Variants in CNTNAP2 observed in about 807,000 individuals in gnomAD.
CNTNAP2 encodes contactin-associated protein-like 2.
In CNTNAP2, 98 loss-of-function variants were observed where a neutral mutation model predicts 155.2. The ratio of observed to expected loss-of-function variants is 0.63; its 90% CI spans 0.54 to 0.75. CNTNAP2 has a LOEUF of 0.75. Among genes scored for constraint, CNTNAP2 ranks in the 30% least tolerant of loss-of-function variants. The pLI is 0.00. For missense variants in CNTNAP2, 1,727 were observed against 1,688.1 expected, an observed-to-expected ratio of 1.02 and a Z score of -0.40; for synonymous variants, 651 against 631.2, an observed-to-expected ratio of 1.03 and a Z score of -0.47.
intron 21 of CNTNAP2, among the ~76,000 whole-genome samples, chr7:148,364,808 C>T (rs529143477): frequency 1.8e-4 from 27 of 152,182 alleles, no homozygotes; most frequent in Admixed American, 3.9e-4. Context: ...ATTGGCAACC[C>T]GCTCGGGTCC....
intron 14 of CNTNAP2, among the ~76,000 whole-genome samples, chr7:147,954,859 C>T (rs2246970): frequency 2.0e-5 from 3 of 152,020 alleles, no homozygotes; most frequent in Admixed American, 1.3e-4. Context: ...TAAAAGTGTA[C>T]AATAGTATAA....
chr7:147,915,770 GA>G (rs201262578), intron 14 of CNTNAP2, among the ~76,000 whole-genome samples: 5 of 149,874 alleles, frequency 3.3e-5, no homozygotes, highest in African/African-American at 4.9e-5. Flanking sequence ...TGAAGAAGAA[GA>G]AAAAAAAGGA....
intron 1 of CNTNAP2, among the ~76,000 whole-genome samples, chr7:146,501,760 G>A (rs76612165): frequency 0.085 from 12,968 of 152,024 alleles, 1,467 homozygotes; most frequent in African/African-American, 0.26. Context: ...ATTATCCTGT[G>A]TTATCAAGGT....
intron 4 of CNTNAP2, chr7:147,081,159 A>G (rs1332973902): frequency 6.6e-6 from 1 of 152,162 alleles, no homozygotes; most frequent in African/African-American, 2.4e-5. Context: ...GATTTCAGGT[A>G]GTGCTCCTTA....
intron 2 of CNTNAP2, among the ~76,000 whole-genome samples, chr7:146,825,751 T>C (rs927378146): frequency 1.3e-5 from 2 of 152,178 alleles, no homozygotes; most frequent in Non-Finnish European, 2.9e-5. Context: ...TGACCTCATC[T>C]TTTTGTCCTT....
chr7:146,662,416 C>T (rs1800108895), intron 1 of CNTNAP2, among the ~76,000 whole-genome samples: 1 of 152,140 alleles, frequency 6.6e-6, no homozygotes, highest in Non-Finnish European at 1.5e-5. Context: ...AGATTGCAGG[C>T]GTCAGCCACT....
intron 13 of CNTNAP2, among the ~76,000 whole-genome samples, chr7:147,733,729 C>T (rs1319690096): frequency 6.6e-6 from 1 of 152,044 alleles, no homozygotes; most frequent in Admixed American, 6.6e-5. Flanking sequence ...TGAAGAGGTC[C>T]TTCACATCCT....
chr7:148,277,589 G>C (rs74336416), intron 21 of CNTNAP2, among the ~76,000 whole-genome samples: 40,474 of 140,884 alleles, frequency 0.29, 6,039 homozygotes, highest in Admixed American at 0.37. Context: ...GTACAGGACC[G>C]CCCCCCACCA....
intron 16 of CNTNAP2, among the ~76,000 whole-genome samples, chr7:148,119,491 G>T (rs1427662972): frequency 6.6e-6 from 1 of 152,146 alleles, no homozygotes; most frequent in Non-Finnish European, 1.5e-5. Flanking sequence ...AGCCTAGATT[G>T]CGCCACTGCA....
chr7:146,735,874 C>T (rs1003873314), intron 1 of CNTNAP2, among the ~76,000 whole-genome samples: 2 of 151,784 alleles, frequency 1.3e-5, no homozygotes, highest in Non-Finnish European at 2.9e-5. Flanking sequence ...ATAATTTAGT[C>T]TATATTTTCA....
At chr7:147,921,099 A>G (rs1455601268) in intron 14 of CNTNAP2, among the ~76,000 whole-genome samples, 6 of 151,280 alleles carry the variant, frequency 4.0e-5, no homozygotes, top group African/African-American at 7.3e-5. Flanking sequence ...GTGAGCCACC[A>G]CGCCCTGCCT....
At chr7:147,458,029 T>C (rs1797952239) in intron 10 of CNTNAP2, among the ~76,000 whole-genome samples, 1 of 152,164 alleles carries the variant, frequency 6.6e-6, no homozygotes, top group Non-Finnish European at 1.5e-5. Flanking sequence ...CATGGTTTAT[T>C]ATGGATTTTT....
intron 4 of CNTNAP2, among the ~76,000 whole-genome samples, chr7:147,061,447 A>G (rs564320596): frequency 8.5e-5 from 13 of 152,336 alleles, no homozygotes; most frequent in African/African-American, 3.1e-4. Flanking sequence ...TTTAATTTTA[A>G]GCTTCCATCT....
rs1585169046 is a variant in CNTNAP2, at chr7:148,176,689, C to G, written c.3010+4211C>G. Among the ~76,000 whole-genome samples the G allele has an allele frequency of 2.0e-5, 3 of 152,300 alleles. No homozygotes were observed. The South Asian group carries it at 6.2e-4, about 32-fold the overall frequency. Reference sequence around the variant, plus strand: ...TACAACTAGACCATGCAGGCAGTCTCCTCATCTGTCGGCAGATAACTGAGC... The same window carrying G: ...TACAACTAGACCATGCAGGCAGTCTGCTCATCTGTCGGCAGATAACTGAGC... On this transcript the variant is annotated intron_variant, in intron 18 of 23. Coordinates refer to ENST00000361727, the MANE Select transcript of CNTNAP2 (RefSeq NM_014141.6).
intron 15 of CNTNAP2, among the ~76,000 whole-genome samples, chr7:147,999,601 C>T (rs1421542948): frequency 2.0e-5 from 3 of 151,974 alleles, no homozygotes; most frequent in Non-Finnish European, 4.4e-5. Context: ...AAGTCGTATC[C>T]CCTCATGCCT....
intron 1 of CNTNAP2, among the ~76,000 whole-genome samples, chr7:146,292,543 G>T (rs1800448317): frequency 6.6e-6 from 1 of 152,140 alleles, no homozygotes; most frequent in Non-Finnish European, 1.5e-5. Flanking sequence ...ATGTAAATTA[G>T]TACAAGCGTA....
At chr7:147,041,023 G>T (rs1799250498) in intron 3 of CNTNAP2, among the ~76,000 whole-genome samples, 1 of 152,052 alleles carries the variant, frequency 6.6e-6, no homozygotes, top group East Asian at 1.9e-4. Context: ...CCACATTGGT[G>T]TTGACCTTCA....
At chr7:148,180,093 A>G (rs1795011067) in intron 18 of CNTNAP2, among the ~76,000 whole-genome samples, 1 of 152,238 alleles carries the variant, frequency 6.6e-6, no homozygotes, top group Non-Finnish European at 1.5e-5. Context: ...TATGCATCTT[A>G]GAATTTCACC....
intron 10 of CNTNAP2, among the ~76,000 whole-genome samples, chr7:147,476,065 A>G (rs1203489552): frequency 6.6e-6 from 1 of 152,010 alleles, no homozygotes; most frequent in Non-Finnish European, 1.5e-5. Context: ...TTCAGAATAT[A>G]ATATCCCCGC....
Sources: gnomAD v4.1 joint callset for allele counts (sites outside exome capture counted in the v4.1 genomes callset) on GRCh38, gnomAD v4.1.1 for gene constraint, MANE v1.5 for transcripts, NCBI Gene and HGNC (gene_info 2026-07-23, HGNC 2026-07-21) for gene names.